The following HERC2 variants were observed in gnomAD, a reference collection of about 807,000 sequenced individuals.
The protein encoded by HERC2 is HECT and RLD domain containing E3 ubiquitin protein ligase 2, also known as E3 ubiquitin-protein ligase HERC2.
Under a neutral mutation model 537.7 loss-of-function variants are expected in HERC2, and 102 were observed. The ratio of observed to expected loss-of-function variants is 0.19; its 90% CI spans 0.16 to 0.22. The LOEUF (loss-of-function observed/expected upper bound fraction) is 0.22. Ranked by LOEUF, HERC2 falls within the 10% of genes least tolerant of loss-of-function variation. The pLI is 1.00. For synonymous variants in HERC2, 2,224 were observed against 2,466.2 expected (o/e 0.90, Z 2.91); for missense variants, 4,236 against 6,198.2 (o/e 0.68, Z 10.63).
At chr15:28,166,919 T>C (rs1176727608) in intron 68 of HERC2, among the ~76,000 whole-genome samples, 1 of 152,308 alleles carries the variant, frequency 6.6e-6, no homozygotes, top group Non-Finnish European at 1.5e-5. Flanking sequence ...CCTGATTCTA[T>C]ACAATATAAA....
chr15:28,305,346 CA>C (rs1464984059), intron 2 of HERC2, among the ~76,000 whole-genome samples: 7 of 151,940 alleles, frequency 4.6e-5, no homozygotes, highest in Admixed American at 4.6e-4. Flanking sequence ...ATCAATGGAA[CA>C]GAACAGAGCC....
At chr15:28,259,673 G>A (rs779246203) in intron 16 of HERC2, among the ~76,000 whole-genome samples, 1 of 151,620 alleles carries the variant, frequency 6.6e-6, no homozygotes, top group Non-Finnish European at 1.5e-5. Context: ...AACAGAATAG[G>A]GCCAGGCACA....
Position 28,274,299 on chromosome 15 carries a change from G to T in HERC2, c.792C>A (p.Val264=), listed in dbSNP as rs766205662. The change falls in exon 7 of 93, where the codon GTC becomes GTA. Residue 264 remains valine, a synonymous_variant. Transcript: ENST00000261609. ...GAAAGGAAAGAACTCACCCCGTCAC[G>T]ACGGACCTGAGGAACCTGGTCGCTC... The part of the protein sequence containing the change: ...VERATRFLRS[V]VTGDVHGTPA... The T allele has an allele frequency of 6.2e-7, 1 of 1,614,058 alleles. No individual in the cohort carries two copies. Among genetic ancestry groups the T allele is most frequent in the African/African-American group, 1.3e-5 (1 of 74,948 alleles).
chr15:28,202,140 C>G lies in HERC2; in HGVS notation c.7590G>C (p.Glu2530Asp), dbSNP rs1369147823. ...SDEYSDEEVV[E>D]DVDDAAYSMS... ...TGGAGTAGGCGGCATCATCCACGTC[C>G]TCCACCACCTCCTCGTCAGAATACT... Residue 2530 changes from glutamate to aspartate, a missense_variant, in exon 47 of 93, where the codon GAG (glutamate) becomes GAC (aspartate). Glu to Asp is a conservative substitution (Grantham distance 45). Coordinates refer to ENST00000261609, the MANE Select transcript of HERC2 (RefSeq NM_004667.6). The G allele has an allele frequency of 6.4e-7, 1 of 1,567,270 alleles. No individual in the cohort carries two copies. The highest frequency in any genetic ancestry group is 1.4e-5 in the African/African-American group (1 of 70,658).
intron 3 of HERC2, among the ~76,000 whole-genome samples, chr15:28,293,809 G>A (rs1444437760): frequency 3.9e-5 from 6 of 152,166 alleles, no homozygotes; most frequent in Non-Finnish European, 8.8e-5. Flanking sequence ...AGAGCACTGG[G>A]AAACAAAGGA....
At chr15:28,246,991 T>C (rs1903774164) in intron 21 of HERC2, 94 bp from the exon 22 acceptor site, 1 of 1,053,274 alleles carries the variant, frequency 9.5e-7, no homozygotes, top group Non-Finnish European at 1.4e-6. Flanking sequence ...CATCTACACA[T>C]CTTTTACCCA....
At chr15:28,203,847 C>T (rs906073055) in intron 45 of HERC2, 8 of 151,876 alleles carry the variant, frequency 5.3e-5, no homozygotes, top group African/African-American at 1.9e-4. Flanking sequence ...ACAAAGGGAC[C>T]GCTGGAAGGC....
chr15:28,135,058 A>G (rs1185467122), intron 79 of HERC2, among the ~76,000 whole-genome samples: 4 of 152,120 alleles, frequency 2.6e-5, no homozygotes, highest in African/African-American at 9.7e-5. Context: ...GTTCTCATTA[A>G]TTTTTTAATA....
At chr15:28,315,616 A>T (rs1243304676) in intron 2 of HERC2, 9 of 524,292 alleles carry the variant, frequency 1.7e-5, no homozygotes, top group Non-Finnish European at 3.0e-5. Context: ...AACATGGTGA[A>T]ACCCCATCTC....
chr15:28,315,582 C>CAGG (rs1315957618), intron 2 of HERC2: 17 of 468,126 alleles, frequency 3.6e-5, no homozygotes, highest in Non-Finnish European at 7.2e-5. Flanking sequence ...ATCACGAGCT[C>CAGG]AGGAGTTCAA....
chr15:28,242,476 C>T (rs1038661744), intron 23 of HERC2, among the ~76,000 whole-genome samples: 1 of 152,192 alleles, frequency 6.6e-6, no homozygotes, highest in Non-Finnish European at 1.5e-5. Context: ...TAGATGGAAA[C>T]TAACGGGTTG....
intron 68 of HERC2, among the ~76,000 whole-genome samples, chr15:28,165,819 A>G (rs1432942710): frequency 1.3e-5 from 2 of 151,914 alleles, no homozygotes; most frequent in African/African-American, 4.8e-5. Context: ...CAAAAACAAA[A>G]ACTGATGTAT....
chr15:28,168,550 C>T lies in HERC2; in HGVS notation c.10270G>A (p.Ala3424Thr), dbSNP rs552743016. ...VGALMPAAMI[A>T]PVECPSFSSA... ...GAGAACGAGGGGCACTCCACCGGGG[C>T]GATCATGGCGGCCGGCATCAGGGCC... Residue 3424 changes from alanine (A) to threonine (T), a missense_variant, in exon 67 of 93, where the codon GCC (alanine) becomes ACC (threonine). Coordinates refer to ENST00000261609, the MANE Select transcript of HERC2 (RefSeq NM_004667.6). The T allele has an allele frequency of 8.3e-5, 134 of 1,614,056 alleles. No individual in the cohort carries two copies. Among genetic ancestry groups the T allele is most frequent in the East Asian group, 3.6e-4 (16 of 44,876 alleles).
intron 85 of HERC2, 73 bp from the exon 86 acceptor site, chr15:28,121,502 G>T: frequency 1.6e-6 from 2 of 1,260,586 alleles, no homozygotes; most frequent in Non-Finnish European, 2.3e-6. Flanking sequence ...TCATCACATA[G>T]TTTTGTTTAA....
Position 28,113,310 on chromosome 15 carries a change from C to T in HERC2, c.14020-27G>A, listed in dbSNP as rs1337274564. 23 of 1,603,624 alleles carry T rather than the reference C, an allele frequency of 1.4e-5. No homozygotes were observed. Among genetic ancestry groups the T allele is most frequent in the East Asian group, 2.2e-5 (1 of 44,814 alleles). The stretch of plus-strand genomic sequence containing the variant: ...TGCGGGAGGATGTCTGTCAGGGCCG[C>T]GTGATGCTTCCCACCCTGGCATTTC... On this transcript the variant is annotated intron_variant, in intron 91 of 92. Transcript: ENST00000261609. The surrounding 1 kb of genome is among the most constrained non-coding windows in gnomAD (Gnocchi z 7.0).
intron 1 of HERC2, among the ~76,000 whole-genome samples, chr15:28,321,807 A>G (rs1241432097): frequency 7.0e-6 from 1 of 142,222 alleles, no homozygotes; most frequent in African/African-American, 2.9e-5. Context: ...CGTTTTAACG[A>G]CAAATGACAG....
At chr15:28,287,311 C>T (rs537645842) in intron 4 of HERC2, among the ~76,000 whole-genome samples, 1 of 152,264 alleles carries the variant, frequency 6.6e-6, no homozygotes, top group East Asian at 1.9e-4. Context: ...GATGGAGTGG[C>T]TCAAGAATAT....
At chr15:28,214,025 T>G in intron 41 of HERC2, 51 bp downstream of exon 41, 1 of 1,610,342 alleles carries the variant, frequency 6.2e-7, no homozygotes. Context: ...AGCTGCCCAA[T>G]CCCTACAGGT....
At chr15:28,146,184 T>C (rs548224682) in intron 71 of HERC2, 53 bp downstream of exon 71, 1 of 1,215,850 alleles carries the variant, frequency 8.2e-7, no homozygotes, top group East Asian at 2.3e-5. Flanking sequence ...AAGGGTTGTG[T>C]CTACGGAGAC....
Sources: gnomAD v4.1 joint callset for allele counts (sites outside exome capture counted in the v4.1 genomes callset) on GRCh38, gnomAD v4.1.1 for gene constraint, Gnocchi (gnomAD v3.1) non-coding constraint, MANE v1.5 for transcripts, NCBI Gene and HGNC (gene_info 2026-07-23, HGNC 2026-07-21) for gene names.